Variants in TMEM178A observed in about 807,000 individuals in gnomAD.
The protein encoded by TMEM178A is transmembrane protein 178A.
In TMEM178A, 12 loss-of-function variants were observed where a neutral mutation model predicts 29.1. The observed-to-expected ratio is 0.41, with a 90% CI of 0.26 to 0.67. TMEM178A has a LOEUF of 0.67. TMEM178A is among the 30% of genes least tolerant of loss of function. The probability of loss-of-function intolerance (pLI) is 0.29; values close to 1 mark genes in which losing one functional copy is unlikely to be tolerated. For synonymous variants in TMEM178A, 210 were observed against 187.2 expected (o/e 1.12, Z -0.99); for missense variants, 366 against 419.1 (o/e 0.87, Z 1.11).
intron 1 of TMEM178A, among the ~76,000 whole-genome samples, chr2:39,673,236 C>T (rs757799534): frequency 5.3e-5 from 8 of 152,182 alleles, no homozygotes; most frequent in South Asian, 2.1e-4. Flanking sequence ...TGCAGAGTCA[C>T]GGGAAACTAC....
At chr2:39,668,673 A>T (rs564249342) in intron 1 of TMEM178A, among the ~76,000 whole-genome samples, 4 of 152,324 alleles carry the variant, frequency 2.6e-5, no homozygotes, top group African/African-American at 9.6e-5. Flanking sequence ...GGAGGAAAGA[A>T]CAGGCATTGG....
the TMEM178A span, among the ~76,000 whole-genome samples, chr2:39,725,210 T>A: frequency 6.6e-6 from 1 of 152,102 alleles, no homozygotes; most frequent in Non-Finnish European, 1.5e-5. Flanking sequence ...TGAGTGGCCC[T>A]CAGAACCCTA....
At chr2:39,677,154 G>C (rs554286621) in intron 1 of TMEM178A, among the ~76,000 whole-genome samples, 1 of 152,004 alleles carries the variant, frequency 6.6e-6, no homozygotes, top group Non-Finnish European at 1.5e-5. Context: ...CCTCACTCTC[G>C]TCCCCATTCC....
intron 1 of TMEM178A, among the ~76,000 whole-genome samples, chr2:39,671,603 G>T (rs376485903): frequency 2.6e-5 from 4 of 152,276 alleles, no homozygotes; most frequent in African/African-American, 9.6e-5. Flanking sequence ...AATTCTTTGG[G>T]CATCACTCTG....
At chr2:39,695,764 C>T (rs185645003) in intron 1 of TMEM178A, among the ~76,000 whole-genome samples, 1 of 152,064 alleles carries the variant, frequency 6.6e-6, no homozygotes, top group Admixed American at 6.5e-5. Flanking sequence ...TGGACAGAGC[C>T]AGTCAATGAA....
At chr2:39,692,870 A>G (rs953015045) in intron 1 of TMEM178A, among the ~76,000 whole-genome samples, 1 of 152,212 alleles carries the variant, frequency 6.6e-6, no homozygotes, top group African/African-American at 2.4e-5. Flanking sequence ...CTTTTGCATG[A>G]TGCTTCTTAC....
At chr2:39,732,436 T>C in the TMEM178A span, among the ~76,000 whole-genome samples, 3 of 152,104 alleles carry the variant, frequency 2.0e-5, no homozygotes, top group East Asian at 5.8e-4. Context: ...TGCTGATATA[T>C]ACCGCTCCCA....
At chr2:39,722,388 G>A (rs952045600), downstream of TMEM178A, among the ~76,000 whole-genome samples, 10 of 152,302 alleles carry the variant, frequency 6.6e-5, no homozygotes, top group South Asian at 8.3e-4. Context: ...ACAGGATAGC[G>A]TTTATTTAAT....
At chr2:39,669,658 C>T (rs1476363040) in intron 1 of TMEM178A, among the ~76,000 whole-genome samples, 1 of 152,164 alleles carries the variant, frequency 6.6e-6, no homozygotes, top group Non-Finnish European at 1.5e-5. Flanking sequence ...TCATTAAGAA[C>T]CAAGACTAGA....
At chr2:39,672,383 A>G (rs1228935770) in intron 1 of TMEM178A, among the ~76,000 whole-genome samples, 1 of 152,200 alleles carries the variant, frequency 6.6e-6, no homozygotes, top group Non-Finnish European at 1.5e-5. Context: ...AGAGTTTGCT[A>G]TGTCATAGAA....
At chr2:39,668,444 G>T (rs1572641319) in intron 1 of TMEM178A, among the ~76,000 whole-genome samples, 1 of 152,312 alleles carries the variant, frequency 6.6e-6, no homozygotes, top group East Asian at 1.9e-4. Flanking sequence ...CAGAAGATAT[G>T]GGCCCCATTG....
intron 1 of TMEM178A, among the ~76,000 whole-genome samples, chr2:39,686,932 A>T (rs1298480425): frequency 6.6e-6 from 1 of 150,998 alleles, no homozygotes; most frequent in Non-Finnish European, 1.5e-5. Flanking sequence ...GATGTAGGCT[A>T]AAATGTGGCA....
the TMEM178A span, among the ~76,000 whole-genome samples, chr2:39,730,140 A>G: frequency 6.6e-6 from 1 of 152,138 alleles, no homozygotes; most frequent in Non-Finnish European, 1.5e-5. Flanking sequence ...CAAGGACCCA[A>G]AATAATTGGG....
chr2:39,670,551 G>A (rs145184436), intron 1 of TMEM178A, among the ~76,000 whole-genome samples: 1 of 152,370 alleles, frequency 6.6e-6, no homozygotes, highest in East Asian at 1.9e-4. Flanking sequence ...ACAGGGCAGA[G>A]TGATCACATG....
chr2:39,734,143 A>AT, the TMEM178A span, among the ~76,000 whole-genome samples: 3 of 151,838 alleles, frequency 2.0e-5, no homozygotes. Flanking sequence ...CTCTTTTCCT[A>AT]TTTTTTCTTA....
At chr2:39,680,456 G>A (rs2148065615) in intron 1 of TMEM178A, among the ~76,000 whole-genome samples, 1 of 152,288 alleles carries the variant, frequency 6.6e-6, no homozygotes, top group South Asian at 2.1e-4. Flanking sequence ...GGGATTCAAA[G>A]GAGAAATTGG....
At chr2:39,709,777 C>T (rs1445330741) in intron 3 of TMEM178A, among the ~76,000 whole-genome samples, 1 of 152,202 alleles carries the variant, frequency 6.6e-6, no homozygotes, top group Non-Finnish European at 1.5e-5. Flanking sequence ...CTCCCCTTGT[C>T]AGGAAAATGG....
rs914646942 is a variant in TMEM178A at position 39,717,502 on chromosome 2, G to C, written c.*251G>C. On this transcript the variant is annotated 3_prime_UTR_variant, in exon 4 of 4. Transcript: ENST00000281961. ...GGAGCAGTGCCATGGGACATTTCTAGGTGTAGAGAAAGAAGAAACTGCAAT... is the reference window on the plus strand; with the variant it reads ...GGAGCAGTGCCATGGGACATTTCTACGTGTAGAGAAAGAAGAAACTGCAAT... 9 of 372,716 alleles carry C rather than the reference G, an allele frequency of 2.4e-5. No homozygotes were observed. The highest frequency in any genetic ancestry group is 4.2e-5 in the Non-Finnish European group (9 of 213,072). The allele number at this position is 372,716 out of a possible 1,614,324, so 23.1% of individuals were successfully genotyped here.
At chr2:39,670,992 G>T (rs953906272) in intron 1 of TMEM178A, among the ~76,000 whole-genome samples, 1 of 152,090 alleles carries the variant, frequency 6.6e-6, no homozygotes, top group Admixed American at 6.5e-5. Flanking sequence ...AAAATGATAG[G>T]ATTTCAGAAA....
Sources: allele counts gnomAD v4.1 joint callset (sites outside exome capture counted in the v4.1 genomes callset), GRCh38; gene constraint gnomAD v4.1.1; transcripts MANE v1.5; gene names NCBI Gene and HGNC (gene_info 2026-07-23, HGNC 2026-07-21).